Variants in SLCO3A1 observed in about 807,000 individuals in gnomAD.
SLCO3A1 encodes the protein PGE1 transporter.
Under a neutral mutation model 63.1 loss-of-function variants are expected in SLCO3A1, and 27 were observed. The observed-to-expected ratio is 0.43, with a 90% confidence interval of 0.32 to 0.59. SLCO3A1 has a LOEUF of 0.59. Ranked by LOEUF, SLCO3A1 falls within the 20% of genes least tolerant of loss-of-function variation. The probability of loss-of-function intolerance (pLI) is 0.09; values close to 1 mark genes in which losing one functional copy is unlikely to be tolerated. For synonymous variants in SLCO3A1, 473 were observed against 409.9 expected (o/e 1.15, Z -1.86); for missense variants, 773 against 945.8 (o/e 0.82, Z 2.40).
At chr15:91,988,513 G>A (rs893319341) in intron 2 of SLCO3A1, among the ~76,000 whole-genome samples, 1 of 151,258 alleles carries the variant, frequency 6.6e-6, no homozygotes, top group Non-Finnish European at 1.5e-5. Flanking sequence ...TACATGGGAT[G>A]GTTCAGCATG....
chr15:91,910,207 C>G (rs1482332873), intron 1 of SLCO3A1, among the ~76,000 whole-genome samples: 1 of 152,156 alleles, frequency 6.6e-6, no homozygotes, highest in East Asian at 1.9e-4. Flanking sequence ...GCAGCCTCTC[C>G]CCTCCCACAG....
At chr15:92,016,204 T>TATAGATAA (rs58884056) in intron 2 of SLCO3A1, among the ~76,000 whole-genome samples, 1 of 120,122 alleles carries the variant, frequency 8.3e-6, no homozygotes, top group Admixed American at 8.7e-5. Flanking sequence ...TATATATTTA[T>TATAGATAA]ATAGATAGAT....
intron 2 of SLCO3A1, among the ~76,000 whole-genome samples, chr15:92,057,444 C>CT (rs1220714619): frequency 6.6e-6 from 1 of 152,152 alleles, no homozygotes; most frequent in African/African-American, 2.4e-5. Flanking sequence ...ACACACAGTC[C>CT]TTGGAAAAAA....
intron 2 of SLCO3A1, among the ~76,000 whole-genome samples, chr15:91,929,609 G>A (rs1163695913): frequency 6.6e-6 from 1 of 152,158 alleles, no homozygotes; most frequent in Non-Finnish European, 1.5e-5. Flanking sequence ...GTTTGATAGT[G>A]TTAAGCACAT....
chr15:92,152,687 C>T (rs750714020), intron 9 of SLCO3A1, among the ~76,000 whole-genome samples: 17 of 152,198 alleles, frequency 1.1e-4, no homozygotes, highest in Non-Finnish European at 2.2e-4. Context: ...GTAATATTAA[C>T]TGGCACATTG....
chr15:92,052,773 A>G (rs2046972788), intron 2 of SLCO3A1, among the ~76,000 whole-genome samples: 1 of 152,224 alleles, frequency 6.6e-6, no homozygotes, highest in African/African-American at 2.4e-5. Context: ...CAAATGTAAA[A>G]TTTATACATA....
At chr15:92,035,520 C>G (rs2046714735) in intron 2 of SLCO3A1, among the ~76,000 whole-genome samples, 1 of 151,736 alleles carries the variant, frequency 6.6e-6, no homozygotes, top group South Asian at 2.1e-4. Context: ...AGGCTGTGGG[C>G]TGCCTGGTTT....
At chr15:92,039,803 A>T (rs1316428006) in intron 2 of SLCO3A1, among the ~76,000 whole-genome samples, 1 of 152,214 alleles carries the variant, frequency 6.6e-6, no homozygotes, top group Non-Finnish European at 1.5e-5. Context: ...TAGCAAAGAC[A>T]TGGAACCAAC....
At position 91,878,628 on chromosome 15, in the gene SLCO3A1, T is replaced by C. The variant is rs76503998; in HGVS notation, c.180+24540T>C. Reference sequence around the variant, plus strand: ...ACAGATCAGCATTCCTACCACACTCTGTTATGTTTTAAAATCAGATTCTCA... The same window carrying C: ...ACAGATCAGCATTCCTACCACACTCCGTTATGTTTTAAAATCAGATTCTCA... On this transcript the variant is annotated intron_variant, in intron 1 of 9. Coordinates refer to ENST00000318445, the MANE Select transcript of SLCO3A1 (RefSeq NM_013272.4). Among the ~76,000 whole-genome samples, 723 of 152,298 alleles carry C rather than the reference T, an allele frequency of 4.7e-3. 6 individuals are homozygous for C. The highest frequency in any genetic ancestry group is 0.017 in the African/African-American group (699 of 41,564).
At chr15:92,084,126 G>A (rs1023539314) in intron 2 of SLCO3A1, among the ~76,000 whole-genome samples, 6 of 152,146 alleles carry the variant, frequency 3.9e-5, no homozygotes, top group African/African-American at 1.2e-4. Flanking sequence ...AATGATAAAC[G>A]CATATGAAGA....
Position 92,087,914 on chromosome 15 carries a change from C to T in SLCO3A1, c.647-6967C>T, listed in dbSNP as rs934493234. ...AGTTTCCAGTTGTATTTTCCAAATT[C>T]TTCTGGTTACATGCACCTAGCCTGA... On this transcript the variant is annotated intron_variant, in intron 2 of 9. Coordinates refer to ENST00000318445, the MANE Select transcript of SLCO3A1 (RefSeq NM_013272.4). Among the ~76,000 whole-genome samples, 8 of 152,192 alleles carry T rather than the reference C, an allele frequency of 5.3e-5. No individual in the cohort carries two copies. In the South Asian group the frequency reaches 8.3e-4, roughly 16 times the overall value.
chr15:91,854,035 C>T lies in SLCO3A1; in HGVS notation c.127C>T (p.Leu43=), dbSNP rs1896846696. ...CTGCTTTTCCAACATCAAGATCTTC[C>T]TGGTGTCCGAGTGCGCCCTGATGCT... ...VSCFSNIKIF[L]VSECALMLAQ... is the part of the protein sequence containing the mutation. Residue 43 remains leucine, a synonymous_variant, in exon 1 of 10, where the codon CTG becomes TTG. Coordinates refer to ENST00000318445, the MANE Select transcript of SLCO3A1 (RefSeq NM_013272.4). This position sits in a 1 kb window ranked among gnomAD's most constrained non-coding sequence, Gnocchi z 6.4. The T allele has an allele frequency of 6.5e-7, 1 of 1,544,594 alleles. No individual in the cohort carries two copies. The highest frequency in any genetic ancestry group is 1.4e-5 in the African/African-American group (1 of 70,214).
At chr15:91,944,622 G>T (rs936562604) in intron 2 of SLCO3A1, among the ~76,000 whole-genome samples, 1 of 152,112 alleles carries the variant, frequency 6.6e-6, no homozygotes. Flanking sequence ...GCAAGTCCTG[G>T]AGGGTTTGCA....
chr15:92,104,680 C>T (rs1422331000), intron 4 of SLCO3A1, 138 bp downstream of exon 4: 1 of 829,394 alleles, frequency 1.2e-6, no homozygotes, highest in Non-Finnish European at 1.8e-6. Context: ...CATGGCTGGC[C>T]TCTACCAGCC....
intron 2 of SLCO3A1, among the ~76,000 whole-genome samples, chr15:91,978,902 C>G (rs1435160482): frequency 6.6e-6 from 1 of 152,240 alleles, no homozygotes; most frequent in Non-Finnish European, 1.5e-5. Context: ...GTTTGCCAAC[C>G]TCTGGTCTAG....
chr15:92,146,984 A>C lies in SLCO3A1; in HGVS notation c.1513A>C (p.Asn505His). Residue 505 changes from asparagine to histidine, a missense_variant and splice_region_variant, in exon 8 of 10, where the codon AAT becomes CAT. By Grantham distance (68) the Asn-to-His change is moderately conservative. Coordinates refer to ENST00000318445, the MANE Select transcript of SLCO3A1 (RefSeq NM_013272.4). ...AAAGGGCTGAACGCTTCCCTTTCAG[A>C]ATCTCACGGGCTGTGCGTGCCTCAC... ...SACFAGCNST[N>H]LTGCACLTTV... The C allele has an allele frequency of 3.1e-6, 5 of 1,605,490 alleles. No individual in the cohort carries two copies. The highest frequency in any genetic ancestry group is 4.2e-6 in the Non-Finnish European group (5 of 1,176,656).
chr15:91,992,878 T>C (rs1462281260), intron 2 of SLCO3A1, among the ~76,000 whole-genome samples: 2 of 152,206 alleles, frequency 1.3e-5, no homozygotes, highest in Non-Finnish European at 2.9e-5. Context: ...CCTAGGGCTA[T>C]TGCAGTGGCA....
chr15:91,955,568 G>A (rs1031727902), intron 2 of SLCO3A1, among the ~76,000 whole-genome samples: 6 of 152,078 alleles, frequency 3.9e-5, no homozygotes, highest in Non-Finnish European at 8.8e-5. Context: ...CCTGACCTCA[G>A]GTAATCCACC....
Position 91,923,961 on chromosome 15 carries a change from G to A in SLCO3A1, c.646+7503G>A, listed in dbSNP as rs181269211. Among the ~76,000 whole-genome samples the A allele has an allele frequency of 7.9e-5, 12 of 152,268 alleles. 1 individual carries two copies. The highest frequency in any genetic ancestry group is 2.1e-4 in the South Asian group (1 of 4,812). ...ATGTCTCTGTGGCTTTAGCCTTGTC[G>A]ACGTTGGCTGAAAACTTTAAAAGCT... On this transcript the variant is annotated intron_variant, in intron 2 of 9. Transcript: ENST00000318445.
Sources: allele counts gnomAD v4.1 joint callset (sites outside exome capture counted in the v4.1 genomes callset), GRCh38; gene constraint gnomAD v4.1.1; non-coding constraint Gnocchi (gnomAD v3.1); transcripts MANE v1.5; gene names NCBI Gene and HGNC (gene_info 2026-07-23, HGNC 2026-07-21).